The following PCBP3 variants were observed in gnomAD, a reference collection of about 807,000 sequenced individuals.
PCBP3 encodes the protein poly(rC) binding protein 3.
Under a neutral mutation model 52.7 loss-of-function variants are expected in PCBP3, and 25 were observed. That is an observed-to-expected ratio of 0.47 (90% CI 0.35 to 0.66). PCBP3 has a LOEUF of 0.66. Ranked by LOEUF, PCBP3 falls within the 30% of genes least tolerant of loss-of-function variation. PCBP3 has a pLI of 0.01. For synonymous variants in PCBP3, 162 were observed against 183.0 expected (o/e 0.89, Z 0.93); for missense variants, 391 against 490.3 (o/e 0.80, Z 1.91).
chr21:45,900,460 G>A (rs2096002190), intron 7 of PCBP3, 131 bp from the exon 8 acceptor site: 2 of 690,638 alleles, frequency 2.9e-6, no homozygotes, highest in Non-Finnish European at 5.3e-6. Flanking sequence ...AGGCTGGTTT[G>A]CTCCTCCAGC....
At chr21:45,657,658 GGTTT>G (rs2080103015) in intron 1 of PCBP3, among the ~76,000 whole-genome samples, 1 of 149,742 alleles carries the variant, frequency 6.7e-6, no homozygotes, top group Non-Finnish European at 1.5e-5. Context: ...TTTTAGGTTT[GGTTT>G]GTCACTTTCT....
intron 4 of PCBP3, among the ~76,000 whole-genome samples, chr21:45,796,541 G>A (rs924892386): frequency 6.6e-6 from 1 of 151,830 alleles, no homozygotes; most frequent in Non-Finnish European, 1.5e-5. Context: ...TGTCTGTTGT[G>A]TTTATTTGGT....
chr21:45,833,828 C>A (rs1218550436), intron 4 of PCBP3, among the ~76,000 whole-genome samples: 1 of 152,258 alleles, frequency 6.6e-6, no homozygotes, highest in Non-Finnish European at 1.5e-5. Context: ...GAGGAGCTTG[C>A]AGTCCTGCCT....
At chr21:45,912,536 G>C (rs2096417592) in intron 11 of PCBP3, among the ~76,000 whole-genome samples, 1 of 152,184 alleles carries the variant, frequency 6.6e-6, no homozygotes, top group Non-Finnish European at 1.5e-5. Flanking sequence ...ATGAGTCTGG[G>C]TGGGGCCTGC....
intron 4 of PCBP3, among the ~76,000 whole-genome samples, chr21:45,801,378 G>A (rs2092297495): frequency 6.6e-6 from 1 of 152,238 alleles, no homozygotes; most frequent in African/African-American, 2.4e-5. Flanking sequence ...GCCCCTCCCT[G>A]CTGGCTGCAG....
intron 16 of PCBP3, 110 bp from the exon 17 acceptor site, chr21:45,939,920 G>C: frequency 2.1e-6 from 2 of 956,674 alleles, no homozygotes; most frequent in Non-Finnish European, 3.2e-6. Flanking sequence ...TCTTGGGGCA[G>C]AGTCCAAGGC....
chr21:45,894,466 C>T (rs1414192634), intron 5 of PCBP3, among the ~76,000 whole-genome samples: 1 of 152,094 alleles, frequency 6.6e-6, no homozygotes, highest in Non-Finnish European at 1.5e-5. Context: ...AGGGTACAGC[C>T]AGGCTTATCT....
rs145666985 is a variant in PCBP3, at chr21:45,699,214, G to C, written c.-200+30262G>C. On this transcript the variant is annotated intron_variant, in intron 2 of 17. Transcript: ENST00000681687. ...TCCACACCTCTAAGTCCCCAGCGAG[G>C]CATGGCCTAGGGCTCTCCCAAGTGA... is the stretch of plus-strand genomic sequence containing the variant. Among the ~76,000 whole-genome samples the C allele has an allele frequency of 2.1e-3, 326 of 152,310 alleles. 3 individuals are homozygous for C. The highest frequency in any genetic ancestry group is 7.3e-3 in the African/African-American group (303 of 41,574).
At chr21:45,738,695 G>A (rs1219876262) in intron 3 of PCBP3, among the ~76,000 whole-genome samples, 2 of 152,096 alleles carry the variant, frequency 1.3e-5, no homozygotes, top group African/African-American at 4.8e-5. Context: ...ACCCCTTCCT[G>A]TCCATGGCCC....
intron 2 of PCBP3, among the ~76,000 whole-genome samples, chr21:45,686,371 A>G (rs2082153508): frequency 6.6e-6 from 1 of 152,232 alleles, no homozygotes; most frequent in African/African-American, 2.4e-5. Context: ...GCTGTAGAGT[A>G]AAAGATACTG....
chr21:45,782,149 G>A lies in PCBP3; in HGVS notation c.-126+26697G>A, dbSNP rs566819726. Among the ~76,000 whole-genome samples the A allele has an allele frequency of 2.6e-5, 4 of 152,058 alleles. No individual in the cohort carries two copies. The South Asian group carries it at 8.3e-4, about 32-fold the overall frequency. On this transcript the variant is annotated intron_variant, in intron 4 of 17. Transcript: ENST00000681687. ...TTTTAACCATGATGTTCAGTACTCA[G>A]TAAAAAATTTTAAAGCATGCTAAAA...
At chr21:45,839,769 C>T (rs946407708) in intron 4 of PCBP3, among the ~76,000 whole-genome samples, 2 of 152,158 alleles carry the variant, frequency 1.3e-5, no homozygotes, top group African/African-American at 4.8e-5. Flanking sequence ...TCACTGCAGC[C>T]TCCGCTTCCC....
intron 4 of PCBP3, among the ~76,000 whole-genome samples, chr21:45,834,638 G>A (rs1010672020): frequency 3.3e-5 from 5 of 152,262 alleles, no homozygotes; most frequent in African/African-American, 1.2e-4. Context: ...CTCAGAGGCA[G>A]CAGCACCTGT....
At chr21:45,719,169 C>T (rs2084438014) in intron 2 of PCBP3, among the ~76,000 whole-genome samples, 1 of 152,042 alleles carries the variant, frequency 6.6e-6, no homozygotes, top group Non-Finnish European at 1.5e-5. Context: ...GCTGACCGTT[C>T]GTAATCCTCA....
In PCBP3 at chr21:45,746,944, G is replaced by GCTCACA. The variant is rs1415650273; in HGVS notation, c.-161-8472_-161-8471insTCACAC. Among the ~76,000 whole-genome samples, 5 of 73,630 alleles carry GCTCACA rather than the reference G, an allele frequency of 6.8e-5. 1 individual carries two copies. The highest frequency in any genetic ancestry group is 3.5e-4 in the South Asian group (1 of 2,854). 48.3% of individuals were successfully genotyped at this position (73,630 alleles called of 152,430 possible). ...ATCGCCGTGTCAGTCCATTGACGTA[G>GCTCACA]CGCACACGGTGTTGTCAGCATCGCT... On this transcript the variant is annotated intron_variant, in intron 3 of 17. Transcript: ENST00000681687.
At chr21:45,860,237 C>T (rs1331653970) in intron 5 of PCBP3, among the ~76,000 whole-genome samples, 3 of 152,192 alleles carry the variant, frequency 2.0e-5, no homozygotes, top group Non-Finnish European at 4.4e-5. Flanking sequence ...CAGGGTACAT[C>T]GGTGCCCTTC....
chr21:45,896,990 A>C (rs1334653564), intron 6 of PCBP3, among the ~76,000 whole-genome samples: 1 of 145,448 alleles, frequency 6.9e-6, no homozygotes, highest in Non-Finnish European at 1.5e-5. Flanking sequence ...GGAAAGGCGG[A>C]CATGGCACAT....
chr21:45,741,907 G>A lies in PCBP3; in HGVS notation c.-162+6478G>A, dbSNP rs2086479209. Among the ~76,000 whole-genome samples, 1 of 152,178 alleles carries A rather than the reference G, an allele frequency of 6.6e-6. No individual in the cohort carries two copies. Among genetic ancestry groups the A allele is most frequent in the African/African-American group, 2.4e-5 (1 of 41,452 alleles). On this transcript the variant is annotated intron_variant, in intron 3 of 17. Transcript: ENST00000681687. This position sits in a 1 kb window ranked among gnomAD's most constrained non-coding sequence, Gnocchi z 4.5. Reference sequence around the variant, plus strand: ...GCCTGGTGAGCGCCTCTTGCCCAGTGCCCTGGGGGCGGTGGGGAAATTCCA... The same window carrying A: ...GCCTGGTGAGCGCCTCTTGCCCAGTACCCTGGGGGCGGTGGGGAAATTCCA...
chr21:45,892,822 A>G (rs1386534635), intron 5 of PCBP3, among the ~76,000 whole-genome samples: 10 of 151,798 alleles, frequency 6.6e-5, no homozygotes. Context: ...CACTCCATCC[A>G]CCTGGGTCTC....
Sources: gnomAD v4.1 joint callset for allele counts (sites outside exome capture counted in the v4.1 genomes callset) on GRCh38, gnomAD v4.1.1 for gene constraint, Gnocchi (gnomAD v3.1) non-coding constraint, MANE v1.5 for transcripts, NCBI Gene and HGNC (gene_info 2026-07-23, HGNC 2026-07-21) for gene names.